ATG7: variants seen among roughly 807,000 people sequenced by gnomAD.
The protein encoded by ATG7 is autophagy related 7.
Under a neutral mutation model 82.4 loss-of-function variants are expected in ATG7, and 70 were observed. The observed-to-expected ratio is 0.85, with a 90% CI of 0.70 to 1.04. ATG7 has a LOEUF of 1.04. ATG7 is among the 50% of genes least tolerant of loss of function. The pLI is 0.00. For missense variants in ATG7, 792 were observed against 864.3 expected, an observed-to-expected ratio of 0.92 and a Z score of 1.05; for synonymous variants, 287 against 313.0, an observed-to-expected ratio of 0.92 and a Z score of 0.88.
chr3:11,554,594 T>C (rs1166854309), intron 20 of ATG7, among the ~76,000 whole-genome samples: 4 of 152,128 alleles, frequency 2.6e-5, no homozygotes, highest in Admixed American at 1.3e-4. Flanking sequence ...ATCCCAGCCC[T>C]CCCCTGTTGG....
At chr3:11,317,589 T>TTC (rs1949621163) in intron 9 of ATG7, among the ~76,000 whole-genome samples, 2 of 147,466 alleles carry the variant, frequency 1.4e-5, no homozygotes, top group African/African-American at 5.0e-5. Context: ...TCTTTCTTTT[T>TTC]TTTTTTTTTT....
the ATG7 span, among the ~76,000 whole-genome samples, chr3:11,565,688 G>A: frequency 2.6e-5 from 4 of 152,302 alleles, no homozygotes; most frequent in Admixed American, 6.5e-5. This position sits in a 1 kb window ranked among gnomAD's most constrained non-coding sequence, Gnocchi z 4.1. Flanking sequence ...AGTGACCTGC[G>A]TCCAGAAGGT....
chr3:11,343,038 C>G (rs940638833), intron 13 of ATG7, among the ~76,000 whole-genome samples: 2 of 151,964 alleles, frequency 1.3e-5, no homozygotes, highest in Non-Finnish European at 2.9e-5. Flanking sequence ...CAGCGATTCT[C>G]CTGCCTCAAC....
At chr3:11,442,169 G>C (rs2084040861) in intron 20 of ATG7, among the ~76,000 whole-genome samples, 1 of 152,116 alleles carries the variant, frequency 6.6e-6, no homozygotes, top group African/African-American at 2.4e-5. Flanking sequence ...TGATCGCTAG[G>C]CTGAAGTAAT....
At chr3:11,546,850 G>C (rs762014614) in intron 20 of ATG7, among the ~76,000 whole-genome samples, 1 of 152,220 alleles carries the variant, frequency 6.6e-6, no homozygotes, top group African/African-American at 2.4e-5. Context: ...AGGTGCTCAG[G>C]TCAGGCTGAC....
At chr3:11,532,222 T>TG (rs1322167679) in intron 20 of ATG7, among the ~76,000 whole-genome samples, 1 of 152,148 alleles carries the variant, frequency 6.6e-6, no homozygotes, top group Non-Finnish European at 1.5e-5. Context: ...CATTTATTGA[T>TG]GCAATGCACC....
chr3:11,490,407 A>G (rs961076231), intron 20 of ATG7, among the ~76,000 whole-genome samples: 40 of 152,204 alleles, frequency 2.6e-4, no homozygotes, highest in African/African-American at 7.0e-4. Context: ...CACACTGATG[A>G]GTCTTGACTC....
intron 20 of ATG7, among the ~76,000 whole-genome samples, chr3:11,497,958 G>A (rs985328653): frequency 6.6e-6 from 1 of 152,096 alleles, no homozygotes; most frequent in South Asian, 2.1e-4. Flanking sequence ...GACCTGACTC[G>A]TCGGGTAGAC....
rs139301159 is a variant in ATG7 at position 11,275,323 on chromosome 3, C to T, written c.-366+2893C>T. 4.3e-4 allele frequency among the ~76,000 whole-genome samples: 65 copies of T among 151,680 alleles called. 1 individual carries two copies. The highest frequency in any genetic ancestry group is 1.5e-3 in the African/African-American group (64 of 41,296). On this transcript the variant is annotated intron_variant, in intron 1 of 20. Transcript: ENST00000693202. ...CACTTCTACCCATGGAAATGACGTT[C>T]GCTAATGTCTTCCTCTCCTCTTTTT...
At chr3:11,453,456 T>C (rs1404319213) in intron 20 of ATG7, among the ~76,000 whole-genome samples, 1 of 152,150 alleles carries the variant, frequency 6.6e-6, no homozygotes, top group Non-Finnish European at 1.5e-5. Flanking sequence ...AGCACACCCT[T>C]CGTCAGGATG....
chr3:11,477,277 A>G, intron 20 of ATG7: 1 of 1,229,984 alleles, frequency 8.1e-7, no homozygotes, highest in Non-Finnish European at 1.0e-6. Context: ...AGGTAGATGA[A>G]CAATGATGAT....
At chr3:11,486,446 A>G (rs927301645) in intron 20 of ATG7, among the ~76,000 whole-genome samples, 15 of 152,096 alleles carry the variant, frequency 9.9e-5, no homozygotes, top group Admixed American at 7.9e-4. Flanking sequence ...GGCTGAGACA[A>G]TGGGGATTTC....
At chr3:11,317,113 T>A (rs1475301044) in intron 9 of ATG7, among the ~76,000 whole-genome samples, 2 of 152,186 alleles carry the variant, frequency 1.3e-5, no homozygotes, top group Admixed American at 6.5e-5. Context: ...GTGCTGAGAT[T>A]ACAGGCGTGA....
intron 20 of ATG7, among the ~76,000 whole-genome samples, chr3:11,436,212 A>G (rs534875717): frequency 5.9e-5 from 9 of 152,378 alleles, no homozygotes; most frequent in African/African-American, 2.2e-4. Context: ...TGATAGCATA[A>G]TCAAATAAGA....
the ATG7 span, chr3:11,564,986 G>A: frequency 4.5e-5 from 68 of 1,526,908 alleles, no homozygotes; most frequent in Non-Finnish European, 6.0e-5. Context: ...GCTCCCGGGG[G>A]TCTCTGCGGC....
intron 14 of ATG7, among the ~76,000 whole-genome samples, chr3:11,351,371 T>C (rs1431415157): frequency 1.3e-5 from 2 of 152,186 alleles, no homozygotes; most frequent in African/African-American, 4.8e-5. Context: ...AACAAACCCC[T>C]GAAGGATGAG....
At chr3:11,341,097 C>T (rs1031607590) in intron 12 of ATG7, among the ~76,000 whole-genome samples, 5 of 140,178 alleles carry the variant, frequency 3.6e-5, no homozygotes, top group Non-Finnish European at 6.2e-5. Context: ...CAGAGTCTTG[C>T]ACTGTGCAGG....
downstream of ATG7, chr3:11,559,313 G>A: frequency 6.6e-7 from 1 of 1,520,464 alleles, no homozygotes; most frequent in Admixed American, 2.1e-5. Flanking sequence ...TGACAGGTGA[G>A]GAGGCCCGGG....
At chr3:11,405,608 A>G (rs9870881) in intron 19 of ATG7, among the ~76,000 whole-genome samples, 78,011 of 151,908 alleles carry the variant, frequency 0.51, 20,936 homozygotes, top group East Asian at 0.68. Flanking sequence ...AGTAGTAAGT[A>G]TGTAGCATTT....
Sources: gnomAD v4.1 joint callset for allele counts (sites outside exome capture counted in the v4.1 genomes callset) on GRCh38, gnomAD v4.1.1 for gene constraint, Gnocchi (gnomAD v3.1) non-coding constraint, MANE v1.5 for transcripts, NCBI Gene and HGNC (gene_info 2026-07-23, HGNC 2026-07-21) for gene names.